The following FHIT variants were observed in gnomAD, a reference collection of about 807,000 sequenced individuals.
FHIT encodes bis(5'-adenosyl)-triphosphatase.
FHIT carries 19 observed loss-of-function variants against 17.9 expected under a neutral mutation model. That is an observed-to-expected ratio of 1.06 (90% CI 0.74 to 1.56). The LOEUF (loss-of-function observed/expected upper bound fraction) is 1.56. Among genes scored for constraint, FHIT ranks in the 40% most tolerant of loss-of-function variants. The pLI is 0.00. For missense variants in FHIT, 248 were observed against 189.2 expected (o/e 1.31, Z -1.82); for synonymous variants, 81 against 69.7 (o/e 1.16, Z -0.81).
chr3:60,093,552 T>C (rs987925830), intron 5 of FHIT, among the ~76,000 whole-genome samples: 3 of 152,136 alleles, frequency 2.0e-5, no homozygotes, highest in African/African-American at 7.2e-5. Flanking sequence ...ATGGAGGTCT[T>C]TGGTAGGAGG....
intron 3 of FHIT, among the ~76,000 whole-genome samples, chr3:60,954,870 G>C (rs782157432): frequency 2.6e-5 from 4 of 152,124 alleles, no homozygotes; most frequent in Non-Finnish European, 5.9e-5. Flanking sequence ...CTTAACCACA[G>C]AGCCCTCACT....
intron 5 of FHIT, among the ~76,000 whole-genome samples, chr3:60,193,873 A>G (rs1299398275): frequency 6.6e-6 from 1 of 152,170 alleles, no homozygotes; most frequent in African/African-American, 2.4e-5. Flanking sequence ...ACATCCCAGG[A>G]AAAGAGGTGT....
At chr3:60,893,362 G>A (rs1705613805) in intron 3 of FHIT, among the ~76,000 whole-genome samples, 1 of 152,076 alleles carries the variant, frequency 6.6e-6, no homozygotes, top group African/African-American at 2.4e-5. Flanking sequence ...CATAAAACTT[G>A]TATTAAATAC....
chr3:60,406,923 C>A (rs1373619911), intron 5 of FHIT, among the ~76,000 whole-genome samples: 1 of 152,064 alleles, frequency 6.6e-6, no homozygotes, highest in African/African-American at 2.4e-5. Flanking sequence ...AAAATTATTT[C>A]TTTAAATCGT....
chr3:61,197,812 C>T lies in FHIT; in HGVS notation c.-164+2805G>A, dbSNP rs541720972. ...TCCCCATGACACAAAGAGACCAGGG[C>T]CCCAGAAATTGGGAGGGATGACTTC... On this transcript the variant is annotated intron_variant, in intron 2 of 9. Transcript: ENST00000492590. Among the ~76,000 whole-genome samples the T allele has an allele frequency of 2.6e-5, 4 of 152,150 alleles. No homozygotes were observed. The East Asian group carries it at 5.8e-4, about 22-fold the overall frequency.
chr3:60,868,128 C>T (rs1414286350), intron 3 of FHIT, among the ~76,000 whole-genome samples: 2 of 152,074 alleles, frequency 1.3e-5, no homozygotes, highest in African/African-American at 2.4e-5. Context: ...TGAGCTACTG[C>T]CTGTGGGTGA....
intron 5 of FHIT, among the ~76,000 whole-genome samples, chr3:60,513,219 G>T (rs1378648869): frequency 6.6e-6 from 1 of 152,122 alleles, no homozygotes; most frequent in African/African-American, 2.4e-5. Context: ...CAAAGTTAAT[G>T]AATCTCAATG....
chr3:59,790,928 A>G (rs913424593), intron 8 of FHIT, among the ~76,000 whole-genome samples: 7 of 152,136 alleles, frequency 4.6e-5, no homozygotes, highest in African/African-American at 1.4e-4. Flanking sequence ...AAGCAGGACA[A>G]AACTCCAGGT....
At chr3:59,966,040 A>C (rs1409378370) in intron 7 of FHIT, among the ~76,000 whole-genome samples, 1 of 152,196 alleles carries the variant, frequency 6.6e-6, no homozygotes, top group Admixed American at 6.5e-5. Flanking sequence ...CATCTAAGTA[A>C]ACATGGCCAC....
At chr3:59,749,606 G>C (rs567214830) in intron 9 of FHIT, 27 bp from the exon 10 acceptor site, 14 of 231,220 alleles carry the variant, frequency 6.1e-5, no homozygotes, top group African/African-American at 2.6e-4. Context: ...ACAAACAAAG[G>C]CCTTATGATT....
chr3:61,076,924 A>T (rs1366772748), intron 2 of FHIT, among the ~76,000 whole-genome samples: 1 of 152,216 alleles, frequency 6.6e-6, no homozygotes, highest in Non-Finnish European at 1.5e-5. Context: ...TATTATGCAC[A>T]TACAAGGAAC....
chr3:60,676,385 A>C (rs1220129478), intron 4 of FHIT, among the ~76,000 whole-genome samples: 3 of 152,216 alleles, frequency 2.0e-5, no homozygotes, highest in African/African-American at 7.2e-5. Context: ...AGAAGGCTGC[A>C]ATCTGGAAAG....
At position 59,900,093 on chromosome 3, in the gene FHIT, C is replaced by G. The variant is rs553846628; in HGVS notation, c.348+22253G>C. ...ATGGAGGCAGAGCAGAGGCTCTTCA[C>G]AGTCATCCGGCACAATCACCAGGGG... On this transcript the variant is annotated intron_variant, in intron 8 of 9. Transcript: ENST00000492590. Among the ~76,000 whole-genome samples, 4 of 152,338 alleles carry G rather than the reference C, an allele frequency of 2.6e-5. No homozygotes were observed. In the South Asian group the frequency reaches 8.3e-4, roughly 32 times the overall value.
At chr3:59,820,785 G>A (rs1700759372) in intron 8 of FHIT, among the ~76,000 whole-genome samples, 1 of 152,154 alleles carries the variant, frequency 6.6e-6, no homozygotes, top group South Asian at 2.1e-4. Flanking sequence ...AGTGGTGGTG[G>A]TGATGGGGGT....
chr3:59,761,725 C>T (rs1168515210), intron 8 of FHIT, among the ~76,000 whole-genome samples: 1 of 151,772 alleles, frequency 6.6e-6, no homozygotes, highest in Non-Finnish European at 1.5e-5. Context: ...TCCTGCCTCA[C>T]CCTTCTCAGT....
At chr3:59,774,591 T>G (rs1702220160) in intron 8 of FHIT, among the ~76,000 whole-genome samples, 1 of 152,236 alleles carries the variant, frequency 6.6e-6, no homozygotes, top group Admixed American at 6.5e-5. Flanking sequence ...TCAATAAATG[T>G]TAGCCACCAT....
At chr3:61,119,696 C>T (rs2036400581) in intron 2 of FHIT, among the ~76,000 whole-genome samples, 1 of 152,178 alleles carries the variant, frequency 6.6e-6, no homozygotes, top group African/African-American at 2.4e-5. Context: ...GGCCATCATC[C>T]AATCCACTGA....
chr3:61,045,310 A>T (rs2033729440), intron 2 of FHIT, among the ~76,000 whole-genome samples: 1 of 152,174 alleles, frequency 6.6e-6, no homozygotes, highest in South Asian at 2.1e-4. Context: ...AAAGGAAAAC[A>T]AACAAACAAA....
rs972861531 is a variant in FHIT, at chr3:59,777,340, G to C, written c.349-25019C>G. ...AATGGCTCATCTAATCTTTCCTCTCGCATGTGTAGTGGGCACCTATATTTA... is the reference window on the plus strand; with the variant it reads ...AATGGCTCATCTAATCTTTCCTCTCCCATGTGTAGTGGGCACCTATATTTA... On this transcript the variant is annotated intron_variant, in intron 8 of 9. Coordinates refer to ENST00000492590, the MANE Select transcript of FHIT (RefSeq NM_002012.4). 4.0e-5 allele frequency among the ~76,000 whole-genome samples: 6 copies of C among 151,360 alleles called. No homozygotes were observed. In the South Asian group the frequency reaches 6.2e-4, roughly 16 times the overall value.
Sources: allele counts gnomAD v4.1 joint callset (sites outside exome capture counted in the v4.1 genomes callset), GRCh38; gene constraint gnomAD v4.1.1; transcripts MANE v1.5; gene names NCBI Gene and HGNC (gene_info 2026-07-23, HGNC 2026-07-21).